Variants in RGS6 observed in about 807,000 individuals in gnomAD.
RGS6 encodes regulator of G protein signaling 6.
In RGS6, 30 loss-of-function variants were observed where a neutral mutation model predicts 78.5. The observed-to-expected ratio is 0.38, with a 90% CI of 0.29 to 0.52. RGS6 has a LOEUF of 0.52. RGS6 is among the 20% of genes least tolerant of loss of function. The pLI is 0.85. For synonymous variants in RGS6, 206 were observed against 206.0 expected (o/e 1.00, Z 0.00); for missense variants, 495 against 609.7 (o/e 0.81, Z 1.98).
rs866034433 is a variant in RGS6, at chr14:72,071,518, C to T, written c.84+106643C>T. Among the ~76,000 whole-genome samples the T allele has an allele frequency of 2.0e-5, 3 of 152,178 alleles. No homozygotes were observed. The South Asian group carries it at 6.2e-4, about 32-fold the overall frequency. On this transcript the variant is annotated intron_variant, in intron 2 of 17. Transcript: ENST00000553525. The stretch of plus-strand genomic sequence containing the variant: ...TTGTAACAAATTATGCTTCCATTAG[C>T]GGTACACAAGAGTTTCTGTGGCTCC...
chr14:72,326,808 C>A (rs182874394), intron 2 of RGS6, among the ~76,000 whole-genome samples: 1 of 152,194 alleles, frequency 6.6e-6, no homozygotes, highest in African/African-American at 2.4e-5. Flanking sequence ...CCCGGGCTCA[C>A]GCCATTGTCC....
intron 2 of RGS6, among the ~76,000 whole-genome samples, chr14:72,183,488 C>G (rs1567405285): frequency 6.6e-6 from 1 of 152,102 alleles, no homozygotes; most frequent in African/African-American, 2.4e-5. Flanking sequence ...AGTTTTATAT[C>G]TGGGTCTGCA....
intron 2 of RGS6, among the ~76,000 whole-genome samples, chr14:72,148,735 A>G (rs972563369): frequency 2.2e-4 from 34 of 152,200 alleles, no homozygotes; most frequent in Non-Finnish European, 2.9e-5. Flanking sequence ...CACACCATTC[A>G]CTGAGATAGA....
intron 2 of RGS6, among the ~76,000 whole-genome samples, chr14:71,983,954 A>C (rs77585577): frequency 6.6e-6 from 1 of 152,190 alleles, no homozygotes; most frequent in African/African-American, 2.4e-5. Flanking sequence ...GCTTCTGACA[A>C]AGCACTGTGT....
At chr14:72,583,558 C>T in the RGS6 span, among the ~76,000 whole-genome samples, 1 of 152,140 alleles carries the variant, frequency 6.6e-6, no homozygotes, top group South Asian at 2.1e-4. Context: ...GATGCAAGAA[C>T]ACAGTCTTCT....
At chr14:72,345,960 T>C (rs2077963083) in intron 2 of RGS6, among the ~76,000 whole-genome samples, 1 of 152,236 alleles carries the variant, frequency 6.6e-6, no homozygotes, top group African/African-American at 2.4e-5. Context: ...TTGTCAGCTC[T>C]GATTTCTGCC....
intron 2 of RGS6, among the ~76,000 whole-genome samples, chr14:72,227,670 A>G (rs918793384): frequency 5.3e-5 from 8 of 152,194 alleles, no homozygotes; most frequent in Admixed American, 2.0e-4. Context: ...CTTGTTTAGC[A>G]TATTTTATTA....
In RGS6 at chr14:72,228,055, A is replaced by G. The variant is rs192659939; in HGVS notation, c.85-124040A>G. Among the ~76,000 whole-genome samples, 34 of 152,282 alleles carry G rather than the reference A, an allele frequency of 2.2e-4. 1 individual carries two copies. The East Asian group carries it at 6.4e-3, about 29-fold the overall frequency. On this transcript the variant is annotated intron_variant, in intron 2 of 17. Coordinates refer to ENST00000553525, the MANE Select transcript of RGS6 (RefSeq NM_001204424.2). ...CCAAGGGGAACCAGGAGGAACCAGCACCTCAGGTAACTGGAAGAATGAATA... is the reference window on the plus strand; with the variant it reads ...CCAAGGGGAACCAGGAGGAACCAGCGCCTCAGGTAACTGGAAGAATGAATA...
At chr14:72,006,106 G>T (rs2084502270) in intron 2 of RGS6, among the ~76,000 whole-genome samples, 1 of 152,096 alleles carries the variant, frequency 6.6e-6, no homozygotes, top group African/African-American at 2.4e-5. Flanking sequence ...GCTTCCTATA[G>T]GCAGGAGCTC....
chr14:71,926,663 G>A, the RGS6 span, among the ~76,000 whole-genome samples: 1 of 151,194 alleles, frequency 6.6e-6, no homozygotes, highest in Non-Finnish European at 1.5e-5. Context: ...AATACCATGT[G>A]AGTTGAACTC....
intron 2 of RGS6, among the ~76,000 whole-genome samples, chr14:72,182,543 G>C (rs35883321): frequency 6.6e-6 from 1 of 152,022 alleles, no homozygotes; most frequent in African/African-American, 2.4e-5. Flanking sequence ...CAACCCAATA[G>C]CACCATGGCT....
At chr14:72,326,702 G>A (rs948841526) in intron 2 of RGS6, among the ~76,000 whole-genome samples, 1 of 152,000 alleles carries the variant, frequency 6.6e-6, no homozygotes, top group African/African-American at 2.4e-5. Context: ...CCAGTCTCAG[G>A]TATTTTTTTC....
At chr14:72,623,174 A>C in the RGS6 span, among the ~76,000 whole-genome samples, 16 of 152,364 alleles carry the variant, frequency 1.1e-4, no homozygotes, top group East Asian at 3.1e-3. Context: ...GTGGTTGCCT[A>C]TATGCAGAGT....
chr14:72,177,425 G>T (rs931099482), intron 2 of RGS6, among the ~76,000 whole-genome samples: 1 of 152,146 alleles, frequency 6.6e-6, no homozygotes, highest in South Asian at 2.1e-4. Context: ...CAGAAAGGCA[G>T]GATGCTGGAG....
intron 2 of RGS6, among the ~76,000 whole-genome samples, chr14:72,179,088 A>G (rs555040118): frequency 3.3e-5 from 5 of 152,260 alleles, no homozygotes; most frequent in African/African-American, 1.2e-4. Context: ...ATCTGGCCCA[A>G]GATTTTCTCT....
the RGS6 span, among the ~76,000 whole-genome samples, chr14:72,584,924 A>G: frequency 6.6e-6 from 1 of 152,190 alleles, no homozygotes; most frequent in Non-Finnish European, 1.5e-5. Context: ...GGAGGATTGC[A>G]TTGAACCAAG....
At chr14:72,308,009 A>G (rs993040579) in intron 2 of RGS6, among the ~76,000 whole-genome samples, 10 of 152,122 alleles carry the variant, frequency 6.6e-5, no homozygotes, top group African/African-American at 1.9e-4. Flanking sequence ...GTAATTTACA[A>G]ATATTAAGGC....
intron 2 of RGS6, among the ~76,000 whole-genome samples, chr14:71,965,490 G>C (rs1032234061): frequency 6.6e-6 from 1 of 152,188 alleles, no homozygotes; most frequent in Non-Finnish European, 1.5e-5. Flanking sequence ...AACATACCAG[G>C]TGATGAGATG....
At chr14:72,339,981 T>G (rs994919499) in intron 2 of RGS6, among the ~76,000 whole-genome samples, 5 of 152,136 alleles carry the variant, frequency 3.3e-5, no homozygotes, top group Non-Finnish European at 5.9e-5. Context: ...CTGTTCTTCT[T>G]TTTTAGACTC....
Sources: gnomAD v4.1 joint callset for allele counts (sites outside exome capture counted in the v4.1 genomes callset) on GRCh38, gnomAD v4.1.1 for gene constraint, MANE v1.5 for transcripts, NCBI Gene and HGNC (gene_info 2026-07-23, HGNC 2026-07-21) for gene names.